OAS2: variants seen among roughly 807,000 people sequenced by gnomAD.
The protein encoded by OAS2 is 2'-5'-oligoadenylate synthetase 2.
In OAS2, 67 loss-of-function variants were observed where a neutral mutation model predicts 71.3. The observed-to-expected ratio is 0.94, with a 90% confidence interval of 0.77 to 1.15. OAS2 has a LOEUF of 1.15. OAS2 is among the 50% of genes most tolerant of loss of function. The probability of loss-of-function intolerance (pLI) is 0.00; values close to 1 mark genes in which losing one functional copy is unlikely to be tolerated. For synonymous variants in OAS2, 327 were observed against 321.8 expected, an observed-to-expected ratio of 1.02 and a Z score of -0.17; for missense variants, 789 against 822.5, an observed-to-expected ratio of 0.96 and a Z score of 0.50.
chr12:113,000,532 TCACACATGCA>T (rs775555090), intron 5 of OAS2, among the ~76,000 whole-genome samples: 2,849 of 149,688 alleles, frequency 0.019, 73 homozygotes, highest in African/African-American at 0.061. Flanking sequence ...ACACACACAC[TCACACATGCA>T]CACACATGTA....
chr12:112,998,163 A>T (rs2044252689), intron 4 of OAS2, 103 bp from the exon 5 acceptor site: 1 of 1,308,436 alleles, frequency 7.6e-7, no homozygotes, highest in African/African-American at 1.5e-5. Flanking sequence ...CAGGAATCCA[A>T]ATTCAAGTTG....
intron 4 of OAS2, 32 bp downstream of exon 4, chr12:112,997,787 C>T: frequency 1.4e-6 from 2 of 1,454,344 alleles, no homozygotes; most frequent in Non-Finnish European, 1.8e-6. Flanking sequence ...ATCCCTGTAC[C>T]TCATCATCCG....
chr12:113,011,284 T>C lies in OAS2; in HGVS notation c.*2029T>C, dbSNP rs1428713401. The C allele has an allele frequency of 6.6e-6, 1 of 152,194 alleles. No homozygotes were observed. Among genetic ancestry groups the C allele is most frequent in the African/African-American group, 2.4e-5 (1 of 41,444 alleles). The allele number at this position is 152,194 out of a possible 1,614,324, so 9.4% of individuals were successfully genotyped here. A position where few individuals can be genotyped will look rare whatever the true frequency, so the allele number is the denominator to read the frequency against. On this transcript the variant is annotated 3_prime_UTR_variant, in exon 10 of 10. Transcript: ENST00000392583. ...AGTTTCCTGATAGGAGTGTCTTTTGTATTCATAACAAGCCCTTTTCACCCA... is the reference window on the plus strand; with the variant it reads ...AGTTTCCTGATAGGAGTGTCTTTTGCATTCATAACAAGCCCTTTTCACCCA...
chr12:112,987,931 T>C, intron 2 of OAS2: 1 of 985,506 alleles, frequency 1.0e-6, no homozygotes, highest in South Asian at 4.7e-5. Flanking sequence ...CACTCTTGCA[T>C]ATTGTTAAAG....
chr12:112,999,340 A>G (rs553911237), intron 5 of OAS2, among the ~76,000 whole-genome samples: 37 of 152,342 alleles, frequency 2.4e-4, no homozygotes, highest in Middle Eastern at 3.4e-3. Flanking sequence ...GAACCTTCCC[A>G]GGTTAGACCA....
intron 5 of OAS2, among the ~76,000 whole-genome samples, chr12:113,000,352 G>C (rs1483737685): frequency 6.6e-6 from 1 of 152,080 alleles, no homozygotes; most frequent in Non-Finnish European, 1.5e-5. Flanking sequence ...GGCTGTTTTT[G>C]TTCTGCTATC....
intron 5 of OAS2, among the ~76,000 whole-genome samples, chr12:112,999,996 T>C (rs974380351): frequency 4.6e-5 from 7 of 152,184 alleles, no homozygotes; most frequent in South Asian, 2.1e-4. Context: ...TCCTCCCACC[T>C]GGCCTCCCAA....
intron 2 of OAS2, among the ~76,000 whole-genome samples, chr12:112,994,208 C>T (rs1184736391): frequency 6.6e-6 from 1 of 152,144 alleles, no homozygotes; most frequent in Admixed American, 6.5e-5. Context: ...CACATAGTTA[C>T]ATTTCTTCCC....
chr12:112,983,073 C>T (rs2044098677), intron 1 of OAS2, among the ~76,000 whole-genome samples: 1 of 151,902 alleles, frequency 6.6e-6, no homozygotes, highest in African/African-American at 2.4e-5. Context: ...TTTTTTTAGT[C>T]TATTTAGTCT....
chr12:112,988,016 C>A, intron 2 of OAS2: 2 of 985,410 alleles, frequency 2.0e-6, no homozygotes, highest in Non-Finnish European at 2.4e-6. Context: ...AGTAGCTAGG[C>A]ACTCAAAAGG....
chr12:112,979,330 C>T (rs2044057868), intron 1 of OAS2, among the ~76,000 whole-genome samples: 1 of 152,088 alleles, frequency 6.6e-6, no homozygotes, highest in South Asian at 2.1e-4. Flanking sequence ...ATGCCAGGAC[C>T]CTAGAATTGG....
In OAS2 at chr12:112,978,933, C is replaced by T. The variant is rs1565987485; in HGVS notation, c.177+148C>T. ...TAGGAGTCTCAGGCTCTGGAGCAGG[C>T]GCTTGCTCCAGAGCTGTGTGACACT... On this transcript the variant is annotated intron_variant, in intron 1 of 9. Coordinates refer to ENST00000392583, the MANE Select transcript of OAS2 (RefSeq NM_002535.3). The surrounding 1 kb of genome is among the most constrained non-coding windows in gnomAD (Gnocchi z 4.2). The T allele has an allele frequency of 1.8e-5, 13 of 715,916 alleles. No individual in the cohort carries two copies. Among genetic ancestry groups the T allele is most frequent in the South Asian group, 1.2e-4 (6 of 48,992 alleles). 44.3% of individuals were successfully genotyped at this position (715,916 alleles called of 1,614,324 possible).
At chr12:112,998,080 TG>T (rs1426309257) in intron 4 of OAS2, among the ~76,000 whole-genome samples, 185 bp from the exon 5 acceptor site, 1 of 152,204 alleles carries the variant, frequency 6.6e-6, no homozygotes, top group Non-Finnish European at 1.5e-5. Context: ...AGAATGTCTC[TG>T]TAAAGCAGCA....
At chr12:113,004,174 G>A (rs1009631571) in intron 6 of OAS2, among the ~76,000 whole-genome samples, 1 of 152,196 alleles carries the variant, frequency 6.6e-6, no homozygotes, top group Admixed American at 6.5e-5. Flanking sequence ...GCTACAGTCT[G>A]AGAGGAGCCG....
chr12:112,988,800 A>G, intron 2 of OAS2: 1 of 884,142 alleles, frequency 1.1e-6, no homozygotes, highest in Non-Finnish European at 1.4e-6. Context: ...TGCTTCTTTC[A>G]CCATACTCTG....
At chr12:112,986,919 G>A in intron 1 of OAS2, 119 bp from the exon 2 acceptor site, 1 of 1,321,738 alleles carries the variant, frequency 7.6e-7, no homozygotes, top group Admixed American at 2.3e-5. Context: ...ATGGATGCCT[G>A]CCACTCAATG....
At chr12:113,005,428 T>C (rs1490647815) in intron 7 of OAS2, among the ~76,000 whole-genome samples, 2 of 152,062 alleles carry the variant, frequency 1.3e-5, no homozygotes, top group Non-Finnish European at 2.9e-5. Context: ...TGTGTGCCTA[T>C]AATCCCAGTA....
rs769569253 is a variant in OAS2 at position 113,005,087 on chromosome 12, G to A, written c.1333G>A (p.Glu445Lys). ...IHEQLKAFWR[E>K]KEEELEVSFE... The stretch of plus-strand genomic sequence containing the variant: ...TGAACAGCTGAAAGCCTTTTGGAGG[G>A]AGAAGGAGGAGGAGCTTGAAGTCAG... The change falls in exon 7 of 10, where the codon GAG becomes AAG. Residue 445 changes from glutamate to lysine, a missense_variant. Glu to Lys is a moderately conservative substitution (Grantham distance 56). Transcript: ENST00000392583. The A allele has an allele frequency of 2.5e-6, 4 of 1,614,156 alleles. No homozygotes were observed. The South Asian group carries it at 3.3e-5, about 13-fold the overall frequency.
intron 1 of OAS2, among the ~76,000 whole-genome samples, chr12:112,983,785 T>G (rs2044104916): frequency 6.6e-6 from 1 of 152,232 alleles, no homozygotes; most frequent in Non-Finnish European, 1.5e-5. Context: ...TGTTCCATTG[T>G]GGTCTGTATC....
Sources: gnomAD v4.1 joint callset for allele counts (sites outside exome capture counted in the v4.1 genomes callset) on GRCh38, gnomAD v4.1.1 for gene constraint, Gnocchi (gnomAD v3.1) non-coding constraint, MANE v1.5 for transcripts, NCBI Gene and HGNC (gene_info 2026-07-23, HGNC 2026-07-21) for gene names.